Variants in SCHIP1 observed in about 807,000 individuals in gnomAD.
SCHIP1 encodes schwannomin interacting protein 1.
Under a neutral mutation model 29.7 loss-of-function variants are expected in SCHIP1, and 8 were observed. The ratio of observed to expected loss-of-function variants is 0.27; its 90% CI spans 0.16 to 0.49. The LOEUF (loss-of-function observed/expected upper bound fraction) is 0.49, where lower values mean the gene tolerates loss of function less well. Among genes scored for constraint, SCHIP1 ranks in the 20% least tolerant of loss-of-function variants. The pLI, the probability that SCHIP1 is intolerant of heterozygous loss-of-function variation, is 0.99. For missense variants in SCHIP1, 193 were observed against 294.6 expected, an observed-to-expected ratio of 0.66 and a Z score of 2.52; for synonymous variants, 76 against 94.9, an observed-to-expected ratio of 0.80 and a Z score of 1.16.
chr3:159,326,132 C>T, the SCHIP1 span, among the ~76,000 whole-genome samples: 6 of 152,016 alleles, frequency 3.9e-5, no homozygotes, highest in African/African-American at 1.2e-4. Flanking sequence ...TGCCCAAGGC[C>T]GTAAGCAAAT....
chr3:159,345,009 G>A, the SCHIP1 span, among the ~76,000 whole-genome samples: 1 of 152,244 alleles, frequency 6.6e-6, no homozygotes, highest in Non-Finnish European at 1.5e-5. Context: ...AGCACTTTGG[G>A]AGGCTGAGGC....
the SCHIP1 span, among the ~76,000 whole-genome samples, chr3:159,484,899 A>G: frequency 1.3e-5 from 2 of 152,172 alleles, no homozygotes; most frequent in South Asian, 4.1e-4. Flanking sequence ...GATAATGTTT[A>G]GTTTTTCAGC....
chr3:159,628,403 A>G, the SCHIP1 span, among the ~76,000 whole-genome samples: 4 of 152,194 alleles, frequency 2.6e-5, no homozygotes, highest in Admixed American at 2.6e-4. Context: ...TAAAGTTACC[A>G]TGCATGCCAA....
At chr3:159,353,324 TA>T in the SCHIP1 span, among the ~76,000 whole-genome samples, 195 of 150,750 alleles carry the variant, frequency 1.3e-3, no homozygotes, top group African/African-American at 3.9e-3. Flanking sequence ...ATAATAAAAT[TA>T]AAAAAAAAGA....
At chr3:159,607,715 C>T in the SCHIP1 span, among the ~76,000 whole-genome samples, 1 of 152,092 alleles carries the variant, frequency 6.6e-6, no homozygotes, top group Non-Finnish European at 1.5e-5. Context: ...GCAGCCGGAG[C>T]TTGAAGAGAA....
At chr3:159,417,854 T>C in the SCHIP1 span, among the ~76,000 whole-genome samples, 1 of 152,124 alleles carries the variant, frequency 6.6e-6, no homozygotes, top group Admixed American at 6.5e-5. Context: ...TATTAAGAAT[T>C]TGTCTCAGCT....
the SCHIP1 span, among the ~76,000 whole-genome samples, chr3:159,483,936 T>C: frequency 6.6e-6 from 1 of 152,194 alleles, no homozygotes; most frequent in South Asian, 2.1e-4. Flanking sequence ...GGAGTTACTT[T>C]GTTGTGTAGT....
At chr3:159,324,079 T>C in the SCHIP1 span, among the ~76,000 whole-genome samples, 1 of 152,168 alleles carries the variant, frequency 6.6e-6, no homozygotes, top group African/African-American at 2.4e-5. Flanking sequence ...TAACAGGTTA[T>C]TTATTATAGA....
chr3:159,418,253 T>A, the SCHIP1 span, among the ~76,000 whole-genome samples: 1 of 152,210 alleles, frequency 6.6e-6, no homozygotes, highest in Admixed American at 6.5e-5. Context: ...TTGACAGGCA[T>A]TTAGGTTGTT....
chr3:159,509,320 G>C, the SCHIP1 span, among the ~76,000 whole-genome samples: 1 of 152,162 alleles, frequency 6.6e-6, no homozygotes, highest in Non-Finnish European at 1.5e-5. Context: ...CCATTTGCTT[G>C]GTAGATCTTC....
chr3:159,809,699 T>C, the SCHIP1 span, among the ~76,000 whole-genome samples: 1 of 151,116 alleles, frequency 6.6e-6, no homozygotes, highest in Non-Finnish European at 1.5e-5. Context: ...TTAAAATAGC[T>C]TTATTAACAT....
chr3:159,843,788 G>T (rs946996730), intron 1 of SCHIP1, among the ~76,000 whole-genome samples: 6 of 131,310 alleles, frequency 4.6e-5, no homozygotes, highest in African/African-American at 1.6e-4. Flanking sequence ...ACGCCACTGC[G>T]CTCCAGCCTG....
chr3:159,709,737 T>C, the SCHIP1 span, among the ~76,000 whole-genome samples: 20 of 152,194 alleles, frequency 1.3e-4, no homozygotes, highest in African/African-American at 4.8e-4. Context: ...AAATGCATGA[T>C]TGAGCACAGG....
the SCHIP1 span, among the ~76,000 whole-genome samples, chr3:159,653,657 T>C: frequency 4.7e-5 from 7 of 150,410 alleles, no homozygotes; most frequent in Non-Finnish European, 7.4e-5. Context: ...AAAACCTAGA[T>C]GACAGGTTGA....
the SCHIP1 span, among the ~76,000 whole-genome samples, chr3:159,436,389 C>T: frequency 1.3e-5 from 2 of 152,092 alleles, no homozygotes; most frequent in Admixed American, 6.6e-5. Context: ...CCTGCTTCAG[C>T]AGGTTGCTTT....
chr3:159,280,115 T>C, the SCHIP1 span, among the ~76,000 whole-genome samples: 1 of 151,890 alleles, frequency 6.6e-6, no homozygotes, highest in Non-Finnish European at 1.5e-5. Flanking sequence ...TGAGAGGGTC[T>C]CAGATAAACT....
At chr3:159,732,181 C>T in the SCHIP1 span, among the ~76,000 whole-genome samples, 3 of 152,338 alleles carry the variant, frequency 2.0e-5, no homozygotes, top group South Asian at 6.2e-4. Context: ...CTACTATGTG[C>T]AGAAACTTGT....
the SCHIP1 span, among the ~76,000 whole-genome samples, chr3:159,833,983 A>G: frequency 6.6e-6 from 1 of 152,102 alleles, no homozygotes; most frequent in Non-Finnish European, 1.5e-5. Flanking sequence ...TTGCCCTTCC[A>G]TTCCCATGAT....
At chr3:159,839,418 A>T (rs1394935025), upstream of SCHIP1, among the ~76,000 whole-genome samples, 2 of 152,066 alleles carry the variant, frequency 1.3e-5, no homozygotes, top group African/African-American at 4.8e-5. Context: ...TTTCTATTTG[A>T]CTTAAAAAGA....
Sources: allele counts gnomAD v4.1 joint callset (sites outside exome capture counted in the v4.1 genomes callset), GRCh38; gene constraint gnomAD v4.1.1; transcripts MANE v1.5; gene names NCBI Gene and HGNC (gene_info 2026-07-23, HGNC 2026-07-21).